Variants in DENND4B observed in about 807,000 individuals in gnomAD.
DENND4B encodes DENN domain containing 4B, also known as DENN domain-containing protein 4B.
A neutral mutation model predicts 161.0 loss-of-function variants in DENND4B; 67 were observed. That is an observed-to-expected ratio of 0.42 (90% CI 0.34 to 0.51). The LOEUF is 0.51. Among genes scored for constraint, DENND4B ranks in the 20% least tolerant of loss-of-function variants. The pLI is 0.08. For missense variants in DENND4B, 1,481 were observed against 1,968.0 expected, an observed-to-expected ratio of 0.75 and a Z score of 4.68; for synonymous variants, 753 against 813.8, an observed-to-expected ratio of 0.93 and a Z score of 1.27.
Position 153,946,688 on chromosome 1 carries a change from C to T in DENND4B, c.-411G>A, listed in dbSNP as rs1679993009. 5.3e-6 allele frequency: 2 copies of T among 376,196 alleles called. No individual in the cohort carries two copies. Among genetic ancestry groups the T allele is most frequent in the Admixed American group, 4.6e-5 (1 of 21,924 alleles). 23.3% of individuals were successfully genotyped at this position (376,196 alleles called of 1,614,324 possible). ...CGCCGCTACCCCCACCCCTCCTCCT[C>T]GGCCGGCGGCCGTGACCCTGGCAAG... On this transcript the variant is annotated 5_prime_UTR_variant, in exon 1 of 28. Transcript: ENST00000361217. The surrounding 1 kb of genome is among the most constrained non-coding windows in gnomAD (Gnocchi z 6.3).
chr1:153,936,622 G>C lies in DENND4B; in HGVS notation c.2359C>G (p.Pro787Ala), dbSNP rs766212276. 6 of 1,613,258 alleles carry C rather than the reference G, an allele frequency of 3.7e-6. No homozygotes were observed. The highest frequency in any genetic ancestry group is 5.1e-6 in the Non-Finnish European group (6 of 1,179,534). Residue 787 changes from proline (P) to alanine (A), a missense_variant, in exon 16 of 28, where the codon CCC becomes GCC. Physicochemically the swap from Pro to Ala is conservative, Grantham distance 27 (BLOSUM62 -1). This residue lies in a region of DENND4B where 806 missense variants were observed against 1,134.4 expected (regional missense o/e 0.71). Transcript: ENST00000361217. The surrounding 1 kb of genome is among the most constrained non-coding windows in gnomAD (Gnocchi z 4.1). ...LCLPAYVRSA[P>A]SRVQALHTAY... Reference sequence around the variant, plus strand: ...GTGTGCAGTGCCTGCACTCGGGAGGGTGCCGACCGCACATAGGCAGGCAGA... The same window carrying C: ...GTGTGCAGTGCCTGCACTCGGGAGGCTGCCGACCGCACATAGGCAGGCAGA...
rs1194832505 is a variant in DENND4B at position 153,930,282 on chromosome 1, G to A, written c.*15C>T. ...CACTTCCCCACCCTAGGCTGGAGAG[G>A]GAAGCTTAAGGTCTCTAGCATTCTG... On this transcript the variant is annotated 3_prime_UTR_variant, in exon 28 of 28. Transcript: ENST00000361217. The surrounding 1 kb of genome is among the most constrained non-coding windows in gnomAD (Gnocchi z 4.7). 2 of 1,608,366 alleles carry A rather than the reference G, an allele frequency of 1.2e-6. No individual in the cohort carries two copies. Among genetic ancestry groups the A allele is most frequent in the Non-Finnish European group, 1.7e-6 (2 of 1,175,480 alleles).
At chr1:153,941,775 G>GGGGGGGGGC in intron 6 of DENND4B, 94 bp downstream of exon 6, 8 of 1,338,174 alleles carry the variant, frequency 6.0e-6, no homozygotes, top group South Asian at 1.3e-5. Context: ...CCTGTGCCCA[G>GGGGGGGGGC]CCCTCCCCCC....
At position 153,944,539 on chromosome 1, in the gene DENND4B, C is replaced by T; in HGVS notation, c.-23-142G>A. On this transcript the variant is annotated intron_variant, in intron 1 of 27. Coordinates refer to ENST00000361217, the MANE Select transcript of DENND4B (RefSeq NM_014856.3). This position sits in a 1 kb window ranked among gnomAD's most constrained non-coding sequence, Gnocchi z 4.8. ...GGGTCGGCCAATCCTGAACTCTTCC[C>T]CCTGTGACATCACTGCCCACCACAG... 1.2e-6 allele frequency: 1 copy of T among 802,350 alleles called. No homozygotes were observed. The highest frequency in any genetic ancestry group is 1.9e-6 in the Non-Finnish European group (1 of 531,610). The allele number at this position is 802,350 out of a possible 1,614,324, so 49.7% of individuals were successfully genotyped here. A position where few individuals can be genotyped will look rare whatever the true frequency, so the allele number is the denominator to read the frequency against.
In DENND4B at chr1:153,934,799, GCTC is replaced by G. The variant is rs781525371; in HGVS notation, c.2731_2733del (p.Glu911del). 2 of 1,592,756 alleles carry G rather than the reference GCTC, an allele frequency of 1.3e-6. No individual in the cohort carries two copies. Among genetic ancestry groups the G allele is most frequent in the South Asian group, 2.2e-5 (2 of 89,670 alleles). On this transcript the variant is annotated inframe_deletion, in exon 18 of 28. Coordinates refer to ENST00000361217, the MANE Select transcript of DENND4B (RefSeq NM_014856.3). The surrounding 1 kb of genome is among the most constrained non-coding windows in gnomAD (Gnocchi z 5.3). ...CCTGCCTCTTGATGTGCTGACACCT[GCTC>G]CTGCTGCTGCTGCTGCTGCTGCTGC...
chr1:153,938,594 T>C (rs868604171), intron 13 of DENND4B, among the ~76,000 whole-genome samples: 3 of 145,368 alleles, frequency 2.1e-5, no homozygotes, highest in Middle Eastern at 3.8e-3. Context: ...CTCAGCTACT[T>C]AGGAGGCTGA....
chr1:153,942,775 AC>A lies in DENND4B; in HGVS notation c.570+102del. 1 of 1,491,528 alleles carries A rather than the reference AC, an allele frequency of 6.7e-7. No individual in the cohort carries two copies. 92.4% of individuals were successfully genotyped at this position (1,491,528 alleles called of 1,614,324 possible). On this transcript the variant is annotated intron_variant, in intron 3 of 27. Coordinates refer to ENST00000361217, the MANE Select transcript of DENND4B (RefSeq NM_014856.3). The surrounding 1 kb of genome is among the most constrained non-coding windows in gnomAD (Gnocchi z 6.9). ...AGACCAGAGTTACCCCTCTGGACTC[AC>A]CCCTGTGGTCAGAGCCTTGGTCCTG...
intron 24 of DENND4B, among the ~76,000 whole-genome samples, chr1:153,931,807 T>C (rs960560408): frequency 6.9e-6 from 1 of 145,034 alleles, no homozygotes; most frequent in African/African-American, 2.5e-5. Flanking sequence ...GTCTATGCTC[T>C]TTTTTTTTTT....
At chr1:153,931,866 C>T (rs1182991640) in intron 24 of DENND4B, among the ~76,000 whole-genome samples, 3 of 150,374 alleles carry the variant, frequency 2.0e-5, no homozygotes, top group African/African-American at 7.4e-5. Flanking sequence ...GGCAATGGCG[C>T]GATCTCGGCT....
Position 153,940,695 on chromosome 1 carries a change from G to A in DENND4B, c.1327-89C>T, listed in dbSNP as rs1679615692. ...GAGAGAAAGAGAGGGCATTGGCCTT[G>A]GGGAGTTGGTGCCTGTTGAGAGAGG... On this transcript the variant is annotated intron_variant, in intron 9 of 27. Transcript: ENST00000361217. This position sits in a 1 kb window ranked among gnomAD's most constrained non-coding sequence, Gnocchi z 5.6. 1 of 1,523,166 alleles carries A rather than the reference G, an allele frequency of 6.6e-7. No individual in the cohort carries two copies. The highest frequency in any genetic ancestry group is 1.4e-5 in the African/African-American group (1 of 72,716). 94.4% of individuals were successfully genotyped at this position (1,523,166 alleles called of 1,614,324 possible). A position where few individuals can be genotyped will look rare whatever the true frequency, so the allele number is the denominator to read the frequency against.
In DENND4B at chr1:153,946,231, C is replaced by A; in HGVS notation, c.-24+70G>T. ...ACAGCAGCTGGGGGCCATCCCCCAC[C>A]CCGCCTGCCGCCCGCGCTCCCTCCT... is the stretch of plus-strand genomic sequence containing the variant. On this transcript the variant is annotated intron_variant, in intron 1 of 27. Coordinates refer to ENST00000361217, the MANE Select transcript of DENND4B (RefSeq NM_014856.3). This position sits in a 1 kb window ranked among gnomAD's most constrained non-coding sequence, Gnocchi z 6.3. 3.0e-6 allele frequency: 1 copy of A among 327,900 alleles called. No homozygotes were observed. The highest frequency in any genetic ancestry group is 5.5e-6 in the Non-Finnish European group (1 of 180,930). 20.3% of individuals were successfully genotyped at this position (327,900 alleles called of 1,614,324 possible).
Position 153,946,356 on chromosome 1 carries a change from TGGCGGGCC to T in DENND4B, c.-87_-80del. ...CTGGCGGGTGGCTCGGAGGGCGAGC[TGGCGGGCC>T]GGCGGGCGGCGGGGCTACCCGGCCC... On this transcript the variant is annotated 5_prime_UTR_variant, in exon 1 of 28. Coordinates refer to ENST00000361217, the MANE Select transcript of DENND4B (RefSeq NM_014856.3). The surrounding 1 kb of genome is among the most constrained non-coding windows in gnomAD (Gnocchi z 6.3). 1 of 374,728 alleles carries T rather than the reference TGGCGGGCC, an allele frequency of 2.7e-6. No individual in the cohort carries two copies. The highest frequency in any genetic ancestry group is 4.7e-6 in the Non-Finnish European group (1 of 210,668). The allele number at this position is 374,728 out of a possible 1,614,324, so 23.2% of individuals were successfully genotyped here.
In DENND4B at chr1:153,932,477, G is replaced by A. The variant is rs776326244; in HGVS notation, c.3760-37C>T. 6.4e-6 allele frequency: 10 copies of A among 1,573,660 alleles called. No homozygotes were observed. Among genetic ancestry groups the A allele is most frequent in the Non-Finnish European group, 7.8e-6 (9 of 1,158,766 alleles). On this transcript the variant is annotated intron_variant, in intron 23 of 27. Transcript: ENST00000361217. The surrounding 1 kb of genome is among the most constrained non-coding windows in gnomAD (Gnocchi z 5.8). Reference sequence around the variant, plus strand: ...AAAGGGGGAGGGCAGTAGAGGGCATGTACATCCCCAGAGCCTTGCCTCCCA... The same window carrying A: ...AAAGGGGGAGGGCAGTAGAGGGCATATACATCCCCAGAGCCTTGCCTCCCA...
In DENND4B at chr1:153,941,459, G is replaced by T; in HGVS notation, c.1056-19C>A. 8 of 1,607,028 alleles carry T rather than the reference G, an allele frequency of 5.0e-6. No individual in the cohort carries two copies. Among genetic ancestry groups the T allele is most frequent in the Non-Finnish European group, 6.8e-6 (8 of 1,177,356 alleles). ...GATGTGCCTGGGGGACAGAGAAACA[G>T]GTCAGAGCATACTCCCCCGTCCATC... On this transcript the variant is annotated intron_variant, in intron 6 of 27. Coordinates refer to ENST00000361217, the MANE Select transcript of DENND4B (RefSeq NM_014856.3).
At position 153,937,700 on chromosome 1, in the gene DENND4B, A is replaced by G. The variant is rs1274346698; in HGVS notation, c.2105+24T>C. On this transcript the variant is annotated intron_variant, in intron 14 of 27. Coordinates refer to ENST00000361217, the MANE Select transcript of DENND4B (RefSeq NM_014856.3). This position sits in a 1 kb window ranked among gnomAD's most constrained non-coding sequence, Gnocchi z 4.7. ...GGACCAGTCTATGGGACCCTGGAAC[A>G]TGTGAAGGCTAAGAGACTCTCACCA... 1 of 1,613,860 alleles carries G rather than the reference A, an allele frequency of 6.2e-7. No homozygotes were observed. The highest frequency in any genetic ancestry group is 1.3e-5 in the African/African-American group (1 of 74,932).
Position 153,933,385 on chromosome 1 carries a change from A to G in DENND4B, c.3331-66T>C. The G allele has an allele frequency of 2.5e-6, 4 of 1,610,482 alleles. No individual in the cohort carries two copies. Among genetic ancestry groups the G allele is most frequent in the Middle Eastern group, 1.7e-4 (1 of 6,056 alleles). On this transcript the variant is annotated intron_variant, in intron 20 of 27. Coordinates refer to ENST00000361217, the MANE Select transcript of DENND4B (RefSeq NM_014856.3). The surrounding 1 kb of genome is among the most constrained non-coding windows in gnomAD (Gnocchi z 5.7). ...TCTTCCACCCAGGATATGTGTTTCAAGCACCCCTCAGAGCCCCCTTTTTGA... is the reference window on the plus strand; with the variant it reads ...TCTTCCACCCAGGATATGTGTTTCAGGCACCCCTCAGAGCCCCCTTTTTGA...
Position 153,946,314 on chromosome 1 carries a change from C to CCCGG in DENND4B, c.-41_-38dup, listed in dbSNP as rs1175388289. The CCCGG allele has an allele frequency of 4.6e-4, 165 of 360,130 alleles. No homozygotes were observed. Among genetic ancestry groups the CCCGG allele is most frequent in the Non-Finnish European group, 5.3e-4 (107 of 201,102 alleles). 22.3% of individuals were successfully genotyped at this position (360,130 alleles called of 1,614,324 possible). ...GCCCCTACCTGCCTGTCCCGCGCTT[C>CCCGG]CCGGCCGGCCGGCCCGCTGGCGGGT... is the stretch of plus-strand genomic sequence containing the variant. On this transcript the variant is annotated 5_prime_UTR_variant, in exon 1 of 28. Coordinates refer to ENST00000361217, the MANE Select transcript of DENND4B (RefSeq NM_014856.3). This position sits in a 1 kb window ranked among gnomAD's most constrained non-coding sequence, Gnocchi z 6.3.
At position 153,937,955 on chromosome 1, in the gene DENND4B, A is replaced by C; in HGVS notation, c.1966-92T>G. The stretch of plus-strand genomic sequence containing the variant: ...ACGATGGCATCTCCCAGGAAAGCTC[A>C]TCCACAAGGAAAGAGACACAGCCTG... On this transcript the variant is annotated intron_variant, in intron 13 of 27. Coordinates refer to ENST00000361217, the MANE Select transcript of DENND4B (RefSeq NM_014856.3). The surrounding 1 kb of genome is among the most constrained non-coding windows in gnomAD (Gnocchi z 4.7). The C allele has an allele frequency of 6.5e-4, 1,008 of 1,550,016 alleles. No individual in the cohort carries two copies. Among genetic ancestry groups the C allele is most frequent in the Non-Finnish European group, 8.2e-4 (928 of 1,133,468 alleles).
chr1:153,936,715 A>C lies in DENND4B; in HGVS notation c.2266T>G (p.Ser756Ala). The change falls in exon 16 of 28, where the codon TCA becomes GCA. Residue 756 changes from serine (S) to alanine (A), a missense_variant. Ser to Ala is a moderately conservative substitution (Grantham distance 99, BLOSUM62 1). Transcript: ENST00000361217. This position sits in a 1 kb window ranked among gnomAD's most constrained non-coding sequence, Gnocchi z 4.1. ...MKVAQRMAQK[S>A]AAVPELWARC... ...GCCCACAGCTCAGGCACAGCTGCTG[A>C]CTTCTGTGCCATCCGCTGTGCAACT... 6.2e-7 allele frequency: 1 copy of C among 1,605,494 alleles called. No individual in the cohort carries two copies. The highest frequency in any genetic ancestry group is 8.5e-7 in the Non-Finnish European group (1 of 1,174,476).
Sources: gnomAD v4.1 joint callset for allele counts (sites outside exome capture counted in the v4.1 genomes callset) on GRCh38, gnomAD v4.1.1 for gene constraint, gnomAD v4.1.1 regional missense constraint, Gnocchi (gnomAD v3.1) non-coding constraint, MANE v1.5 for transcripts, NCBI Gene and HGNC (gene_info 2026-07-23, HGNC 2026-07-21) for gene names.